DSCAM: variants seen among roughly 807,000 people sequenced by gnomAD.
DSCAM encodes the protein cell adhesion molecule DSCAM.
DSCAM carries 47 observed loss-of-function variants against 217.7 expected under a neutral mutation model. The observed-to-expected ratio is 0.22, with a 90% CI of 0.17 to 0.28. The LOEUF is 0.28. Among genes scored for constraint, DSCAM ranks in the 10% least tolerant of loss-of-function variants. The pLI, the probability that DSCAM is intolerant of heterozygous loss-of-function variation, is 1.00. For missense variants in DSCAM, 2,080 were observed against 2,618.3 expected (o/e 0.79, Z 4.49); for synonymous variants, 1,056 against 1,015.3 (o/e 1.04, Z -0.76).
chr21:40,430,667 C>A (rs549311674), intron 3 of DSCAM, among the ~76,000 whole-genome samples: 1 of 152,302 alleles, frequency 6.6e-6, no homozygotes, highest in African/African-American at 2.4e-5. Context: ...CTCTAGAGAA[C>A]CCCAATTAAT....
rs192924602 is a variant in DSCAM, at chr21:40,356,476, C to G, written c.656-2733G>C. The stretch of plus-strand genomic sequence containing the variant: ...TTCATTTTTCAATACCTCAATTAAC[C>G]TGGAGGAAAAATAAACTCTAGCCAA... On this transcript the variant is annotated intron_variant, in intron 4 of 32. Coordinates refer to ENST00000400454, the MANE Select transcript of DSCAM (RefSeq NM_001389.5). Among the ~76,000 whole-genome samples, 245 of 151,646 alleles carry G rather than the reference C, an allele frequency of 1.6e-3. 8 individuals carry two copies. In the East Asian group the frequency reaches 0.041, roughly 25 times the overall value.
chr21:40,737,332 G>C (rs1292987601), intron 1 of DSCAM, among the ~76,000 whole-genome samples: 2 of 152,062 alleles, frequency 1.3e-5, no homozygotes, highest in Non-Finnish European at 2.9e-5. Flanking sequence ...TTACTGGAGA[G>C]GTTTGCTTTT....
intron 3 of DSCAM, among the ~76,000 whole-genome samples, chr21:40,506,378 C>T (rs913926677): frequency 1.3e-5 from 2 of 152,170 alleles, no homozygotes; most frequent in Non-Finnish European, 2.9e-5. Flanking sequence ...ATGAAAAATA[C>T]CAGTGGGAGC....
chr21:40,738,593 T>C (rs535315956), intron 1 of DSCAM, among the ~76,000 whole-genome samples: 8 of 152,294 alleles, frequency 5.3e-5, no homozygotes, highest in African/African-American at 1.4e-4. Context: ...ATGTCCTCTA[T>C]CCCAGTGTTT....
At chr21:40,740,674 G>A (rs1461855324) in intron 1 of DSCAM, among the ~76,000 whole-genome samples, 1 of 152,208 alleles carries the variant, frequency 6.6e-6, no homozygotes, top group East Asian at 1.9e-4. Context: ...TTTGACCCAA[G>A]TAAGGCAGGC....
chr21:40,748,245 G>C (rs778976214), intron 1 of DSCAM, among the ~76,000 whole-genome samples: 1 of 151,710 alleles, frequency 6.6e-6, no homozygotes, highest in African/African-American at 2.4e-5. Flanking sequence ...GAAAGAAAAG[G>C]CATCCAAATT....
intron 6 of DSCAM, among the ~76,000 whole-genome samples, chr21:40,343,540 A>C (rs11701362): frequency 0.069 from 10,552 of 152,244 alleles, 775 homozygotes; most frequent in African/African-American, 0.19. Context: ...TATTGAGATA[A>C]TCAATTGGAT....
chr21:40,820,668 A>G (rs2091917357), intron 1 of DSCAM, among the ~76,000 whole-genome samples: 1 of 152,202 alleles, frequency 6.6e-6, no homozygotes, highest in South Asian at 2.1e-4. Flanking sequence ...TATTACAGAA[A>G]AAAATTATCT....
intron 3 of DSCAM, among the ~76,000 whole-genome samples, chr21:40,522,050 C>T (rs558293547): frequency 1.1e-4 from 17 of 152,146 alleles, no homozygotes; most frequent in African/African-American, 2.7e-4. Context: ...ACTCCCTCCC[C>T]GAGAAAAAGA....
In DSCAM at chr21:40,305,389, C is replaced by CAAAAAAAA. The variant is rs58738453; in HGVS notation, c.2062+6684_2062+6691dup. Among the ~76,000 whole-genome samples, 559 of 68,502 alleles carry CAAAAAAAA rather than the reference C, an allele frequency of 8.2e-3. 5 individuals are homozygous for CAAAAAAAA. Among genetic ancestry groups the CAAAAAAAA allele is most frequent in the African/African-American group, 0.022 (530 of 24,002 alleles). The allele number at this position is 68,502 out of a possible 152,430, so 44.9% of individuals were successfully genotyped here. ...TGGGTGACAGAGCAAGATCCCGTCT[C>CAAAAAAAA]AAAAAAAAAAAAAAAAAAAGGAAGA... is the stretch of plus-strand genomic sequence containing the variant. On this transcript the variant is annotated intron_variant, in intron 9 of 32. Transcript: ENST00000400454.
At chr21:40,035,396 C>A (rs2088600020) in intron 32 of DSCAM, among the ~76,000 whole-genome samples, 2 of 113,570 alleles carry the variant, frequency 1.8e-5, no homozygotes, top group African/African-American at 3.9e-5. Flanking sequence ...TTCAAACCAA[C>A]AAAGATCAAA....
chr21:40,095,903 T>G (rs566262445), intron 20 of DSCAM, among the ~76,000 whole-genome samples: 1 of 152,096 alleles, frequency 6.6e-6, no homozygotes, highest in South Asian at 2.1e-4. Context: ...AAACTCAAAA[T>G]GAAACTATAA....
At chr21:40,772,108 C>T (rs1255470179) in intron 1 of DSCAM, among the ~76,000 whole-genome samples, 1 of 152,230 alleles carries the variant, frequency 6.6e-6, no homozygotes, top group Non-Finnish European at 1.5e-5. Flanking sequence ...TGTGTCAACA[C>T]ATACTTCTAG....
chr21:40,311,990 A>T, intron 9 of DSCAM, 91 bp downstream of exon 9: 3 of 438,976 alleles, frequency 6.8e-6, no homozygotes, highest in South Asian at 4.3e-5. Flanking sequence ...TCTAAGTTCC[A>T]GTTATTTTCG....
chr21:40,065,063 T>G (rs61298160), intron 27 of DSCAM, among the ~76,000 whole-genome samples: 1 of 152,008 alleles, frequency 6.6e-6, no homozygotes, highest in Non-Finnish European at 1.5e-5. Context: ...AACATTATAA[T>G]GTGAAGATAG....
chr21:40,499,747 C>T (rs2076156592), intron 3 of DSCAM, among the ~76,000 whole-genome samples: 1 of 152,114 alleles, frequency 6.6e-6, no homozygotes, highest in Admixed American at 6.6e-5. Flanking sequence ...AGTGTCTGTG[C>T]TGGAGGTGAA....
chr21:40,798,432 T>C (rs2091710429), intron 1 of DSCAM, among the ~76,000 whole-genome samples: 1 of 152,112 alleles, frequency 6.6e-6, no homozygotes, highest in African/African-American at 2.4e-5. Flanking sequence ...ATAATGACCT[T>C]TGAAGATTAT....
At chr21:40,233,687 C>T (rs2091401868) in intron 11 of DSCAM, among the ~76,000 whole-genome samples, 1 of 152,150 alleles carries the variant, frequency 6.6e-6, no homozygotes, top group South Asian at 2.1e-4. Flanking sequence ...ATATTTTTCT[C>T]TGCAATCATA....
intron 1 of DSCAM, among the ~76,000 whole-genome samples, chr21:40,770,292 T>C (rs2091433257): frequency 1.3e-5 from 2 of 152,180 alleles, no homozygotes; most frequent in Non-Finnish European, 2.9e-5. Flanking sequence ...AAAAACCAAA[T>C]TCAGAATCAG....
Sources: allele counts gnomAD v4.1 joint callset (sites outside exome capture counted in the v4.1 genomes callset), GRCh38; gene constraint gnomAD v4.1.1; transcripts MANE v1.5; gene names NCBI Gene and HGNC (gene_info 2026-07-23, HGNC 2026-07-21).